The following RNLS variants were observed in gnomAD, a reference collection of about 807,000 sequenced individuals.
RNLS encodes renalase, FAD dependent amine oxidase.
A neutral mutation model predicts 39.8 loss-of-function variants in RNLS; 39 were observed. The observed-to-expected ratio is 0.98, with a 90% confidence interval of 0.76 to 1.28. The LOEUF is 1.28. RNLS is among the 50% of genes most tolerant of loss of function. RNLS has a pLI of 0.00. For synonymous variants in RNLS, 147 were observed against 150.7 expected (o/e 0.98, Z 0.18); for missense variants, 410 against 413.3 (o/e 0.99, Z 0.07).
At chr10:88,381,075 C>T (rs953070039) in intron 4 of RNLS, among the ~76,000 whole-genome samples, 3 of 152,108 alleles carry the variant, frequency 2.0e-5, no homozygotes, top group African/African-American at 7.2e-5. Context: ...CAGTAGAACG[C>T]ATAGTATAGT....
chr10:88,262,700 T>A, the RNLS span, among the ~76,000 whole-genome samples: 1 of 152,224 alleles, frequency 6.6e-6, no homozygotes, highest in Non-Finnish European at 1.5e-5. Context: ...AAATATACTG[T>A]ACTTTACATC....
rs188256556 is a variant in RNLS at position 88,294,335 on chromosome 10, T to A, written c.877-8829A>T. 8.5e-5 allele frequency among the ~76,000 whole-genome samples: 13 copies of A among 152,296 alleles called. No homozygotes were observed. The East Asian group carries it at 2.5e-3, about 29-fold the overall frequency. On this transcript the variant is annotated intron_variant, in intron 6 of 6. Transcript: ENST00000331772. Reference sequence around the variant, plus strand: ...ATATAGGAAACTAGTCCAGGCACTCTGAAAAAGATATAACTTCAGTGTTGT... The same window carrying A: ...ATATAGGAAACTAGTCCAGGCACTCAGAAAAAGATATAACTTCAGTGTTGT...
chr10:88,522,650 C>G (rs1483385088), intron 4 of RNLS, among the ~76,000 whole-genome samples: 1 of 151,942 alleles, frequency 6.6e-6, no homozygotes, highest in Non-Finnish European at 1.5e-5. Context: ...ATGTTAGGCC[C>G]ACAAACTAAA....
At chr10:88,515,615 T>C (rs1000587275) in intron 4 of RNLS, among the ~76,000 whole-genome samples, 4 of 152,098 alleles carry the variant, frequency 2.6e-5, no homozygotes, top group African/African-American at 9.7e-5. Flanking sequence ...GTAATGTAAT[T>C]AGCTACTTCC....
chr10:88,318,208 C>T (rs1484446496), intron 5 of RNLS, among the ~76,000 whole-genome samples: 1 of 152,232 alleles, frequency 6.6e-6, no homozygotes, highest in Non-Finnish European at 1.5e-5. Flanking sequence ...CATTCTGTCT[C>T]TGGCAAACAT....
At chr10:88,354,025 A>G (rs1848942783) in intron 5 of RNLS, among the ~76,000 whole-genome samples, 1 of 152,130 alleles carries the variant, frequency 6.6e-6, no homozygotes. Context: ...AGAGACTAGG[A>G]TTGCAACCCC....
chr10:88,562,510 G>A (rs2134393251), intron 4 of RNLS, among the ~76,000 whole-genome samples: 1 of 152,248 alleles, frequency 6.6e-6, no homozygotes, highest in East Asian at 1.9e-4. Flanking sequence ...GTTAACATCA[G>A]TTAGCTCTGG....
intron 4 of RNLS, among the ~76,000 whole-genome samples, chr10:88,403,762 C>T (rs1395968740): frequency 6.6e-6 from 1 of 151,576 alleles, no homozygotes; most frequent in Non-Finnish European, 1.5e-5. Flanking sequence ...TGGGCTGTGC[C>T]TGGGGGCTTC....
intron 1 of RNLS, among the ~76,000 whole-genome samples, chr10:88,582,867 C>G (rs1434807885): frequency 6.6e-6 from 1 of 152,144 alleles, no homozygotes; most frequent in Non-Finnish European, 1.5e-5. Context: ...CACCCTCGCC[C>G]CTTCTTGGGC....
chr10:88,186,629 T>C, the RNLS span, among the ~76,000 whole-genome samples: 2 of 152,172 alleles, frequency 1.3e-5, no homozygotes, highest in Non-Finnish European at 2.9e-5. Flanking sequence ...ATTGAATGCA[T>C]ATTTAAGTGA....
intron 4 of RNLS, among the ~76,000 whole-genome samples, chr10:88,536,233 C>T (rs1214092661): frequency 1.3e-5 from 2 of 152,164 alleles, no homozygotes; most frequent in African/African-American, 4.8e-5. Flanking sequence ...TTACAGTCAT[C>T]TTTATGCTCC....
chr10:88,505,429 CTG>C (rs1845734115), intron 4 of RNLS, among the ~76,000 whole-genome samples: 5 of 150,890 alleles, frequency 3.3e-5, no homozygotes, highest in Admixed American at 6.6e-5. Context: ...CAGAGAAAAA[CTG>C]TGTGCATGTG....
the RNLS span, among the ~76,000 whole-genome samples, chr10:88,191,210 T>C: frequency 6.6e-6 from 1 of 152,190 alleles, no homozygotes; most frequent in African/African-American, 2.4e-5. Flanking sequence ...TTACCTTCCA[T>C]TGACTCAGCA....
chr10:88,212,741 T>A, the RNLS span, among the ~76,000 whole-genome samples: 2 of 152,198 alleles, frequency 1.3e-5, no homozygotes, highest in African/African-American at 2.4e-5. Context: ...AGATGAGCTA[T>A]CTTATGGCAT....
At position 88,583,303 on chromosome 10, in the gene RNLS, G is replaced by C. The variant is rs2134525548; in HGVS notation, c.-113C>G. ...GCGCTCTTTGGTTCCGTGCTCCCTG[G>C]GCCGACCTGGGCCCTGAGCTTTCCT... On this transcript the variant is annotated 5_prime_UTR_variant, in exon 1 of 7. Coordinates refer to ENST00000331772, the MANE Select transcript of RNLS (RefSeq NM_001031709.3). 6.8e-7 allele frequency: 1 copy of C among 1,477,728 alleles called. No homozygotes were observed. The highest frequency in any genetic ancestry group is 8.9e-7 in the Non-Finnish European group (1 of 1,121,878). 91.5% of individuals were successfully genotyped at this position (1,477,728 alleles called of 1,614,324 possible).
At chr10:88,496,042 T>C (rs539563389) in intron 4 of RNLS, among the ~76,000 whole-genome samples, 1 of 152,200 alleles carries the variant, frequency 6.6e-6, no homozygotes, top group East Asian at 1.9e-4. Context: ...TGTTTTGCTT[T>C]CCATATGGGT....
chr10:88,559,705 A>G (rs2134378678), intron 4 of RNLS, among the ~76,000 whole-genome samples: 1 of 119,942 alleles, frequency 8.3e-6, no homozygotes, highest in East Asian at 2.6e-4. Context: ...GAGAGCCTAC[A>G]TATACGAGGC....
chr10:88,564,316 T>TACACACAC (rs5786827), intron 4 of RNLS, among the ~76,000 whole-genome samples: 1 of 148,922 alleles, frequency 6.7e-6, no homozygotes, highest in African/African-American at 2.5e-5. Flanking sequence ...TGACTGCAAA[T>TACACACAC]ACACACACAC....
chr10:88,546,645 C>T (rs928363071), intron 4 of RNLS, among the ~76,000 whole-genome samples: 4 of 152,026 alleles, frequency 2.6e-5, no homozygotes, highest in Non-Finnish European at 4.4e-5. Flanking sequence ...AAAATCTAGT[C>T]CAGATTGTTG....
Sources: gnomAD v4.1 joint callset for allele counts (sites outside exome capture counted in the v4.1 genomes callset) on GRCh38, gnomAD v4.1.1 for gene constraint, MANE v1.5 for transcripts, NCBI Gene and HGNC (gene_info 2026-07-23, HGNC 2026-07-21) for gene names.